CNTN5: variants seen among roughly 807,000 people sequenced by gnomAD.
CNTN5 encodes contactin-5.
Under a neutral mutation model 129.1 loss-of-function variants are expected in CNTN5, and 77 were observed. The observed-to-expected ratio is 0.60, with a 90% confidence interval of 0.50 to 0.72. The LOEUF (loss-of-function observed/expected upper bound fraction) is 0.72, where lower values mean the gene tolerates loss of function less well. CNTN5 is among the 30% of genes least tolerant of loss of function. CNTN5 has a pLI of 0.00. For synonymous variants in CNTN5, 509 were observed against 465.6 expected (o/e 1.09, Z -1.20); for missense variants, 1,478 against 1,328.8 (o/e 1.11, Z -1.75).
chr11:100,167,867 C>G (rs1278940494), intron 13 of CNTN5, among the ~76,000 whole-genome samples: 3 of 151,902 alleles, frequency 2.0e-5, no homozygotes, highest in African/African-American at 2.4e-5. Context: ...AGACAGTTAG[C>G]CAAGCTGTGA....
intron 16 of CNTN5, among the ~76,000 whole-genome samples, chr11:100,240,315 G>A (rs957906311): frequency 9.9e-5 from 15 of 151,616 alleles, no homozygotes; most frequent in Admixed American, 9.8e-4. Flanking sequence ...GAGTTAGATG[G>A]TGGCATCGGG....
intron 2 of CNTN5, among the ~76,000 whole-genome samples, chr11:99,523,649 T>C (rs11220287): frequency 0.11 from 13,154 of 115,180 alleles, 776 homozygotes; most frequent in Non-Finnish European, 0.13. Flanking sequence ...TAGAATAGAA[T>C]AGAACAGAAC....
At chr11:99,871,678 C>CT (rs1018735250) in intron 6 of CNTN5, among the ~76,000 whole-genome samples, 1 of 151,800 alleles carries the variant, frequency 6.6e-6, no homozygotes, top group Non-Finnish European at 1.5e-5. Context: ...GATCCATTGT[C>CT]TTTTTTCTAG....
At chr11:99,669,441 GGTGTGTGTGTGTGTGTGT>G (rs767426378) in intron 3 of CNTN5, among the ~76,000 whole-genome samples, 1 of 105,926 alleles carries the variant, frequency 9.4e-6, no homozygotes, top group African/African-American at 3.4e-5. Context: ...TATTAAATAT[GGTGTGTGTGTGTGTGTGT>G]GTGTGTGTGT....
At chr11:99,274,737 T>A (rs1382194618) in intron 1 of CNTN5, among the ~76,000 whole-genome samples, 2 of 151,484 alleles carry the variant, frequency 1.3e-5, no homozygotes, top group African/African-American at 4.8e-5. Flanking sequence ...TGACACTTCG[T>A]AGCTTTGAGA....
chr11:99,784,807 T>TG (rs1382875291), intron 3 of CNTN5, among the ~76,000 whole-genome samples: 2 of 147,730 alleles, frequency 1.4e-5, no homozygotes, highest in Non-Finnish European at 3.0e-5. Flanking sequence ...TTTTTTTTTT[T>TG]TTTTTTTTTT....
At chr11:99,653,209 T>C (rs1952224662) in intron 3 of CNTN5, among the ~76,000 whole-genome samples, 1 of 152,068 alleles carries the variant, frequency 6.6e-6, no homozygotes, top group Non-Finnish European at 1.5e-5. Context: ...AGTGAACTCA[T>C]AGACAGATTG....
chr11:99,543,314 G>A (rs2135501352), intron 2 of CNTN5, among the ~76,000 whole-genome samples: 1 of 152,124 alleles, frequency 6.6e-6, no homozygotes, highest in African/African-American at 2.4e-5. Context: ...CTTATATTTG[G>A]GTCACTGGCC....
chr11:99,690,120 G>A (rs1953977510), intron 3 of CNTN5, among the ~76,000 whole-genome samples: 1 of 152,090 alleles, frequency 6.6e-6, no homozygotes, highest in African/African-American at 2.4e-5. Flanking sequence ...GTGTAAGGAA[G>A]GGGTCCAATT....
intron 1 of CNTN5, among the ~76,000 whole-genome samples, chr11:99,177,439 G>A (rs1857830358): frequency 6.6e-6 from 1 of 152,142 alleles, no homozygotes; most frequent in African/African-American, 2.4e-5. Context: ...AACGAAATAG[G>A]GCTATTGCTA....
chr11:100,009,018 T>C (rs949277365), intron 9 of CNTN5, among the ~76,000 whole-genome samples: 1 of 152,090 alleles, frequency 6.6e-6, no homozygotes, highest in African/African-American at 2.4e-5. Context: ...TATATAAGCT[T>C]ATATCTTTCC....
intron 2 of CNTN5, among the ~76,000 whole-genome samples, chr11:99,357,709 TTTAAG>T (rs1331054408): frequency 6.6e-5 from 10 of 152,102 alleles, no homozygotes; most frequent in African/African-American, 1.9e-4. Flanking sequence ...TTATAATAAA[TTTAAG>T]TTAACACTGC....
chr11:100,328,282 G>A (rs958589126), intron 21 of CNTN5, among the ~76,000 whole-genome samples: 2 of 152,116 alleles, frequency 1.3e-5, no homozygotes, highest in Admixed American at 6.5e-5. Flanking sequence ...CTCTAGCCTA[G>A]GAGATCCAGG....
At chr11:99,258,276 T>C (rs1003976590) in intron 1 of CNTN5, among the ~76,000 whole-genome samples, 2 of 152,058 alleles carry the variant, frequency 1.3e-5, no homozygotes, top group Non-Finnish European at 2.9e-5. Flanking sequence ...ACCCATTAGT[T>C]ATTTTTCCTG....
intron 2 of CNTN5, among the ~76,000 whole-genome samples, chr11:99,381,160 GA>G (rs35196062): frequency 0.99 from 149,227 of 150,644 alleles, 73,912 homozygotes; most frequent in Middle Eastern, 1. Context: ...TAAGCCTAGG[GA>G]AAAAAAAAAC....
chr11:99,253,617 A>G (rs73534971), intron 1 of CNTN5, among the ~76,000 whole-genome samples: 2,609 of 151,960 alleles, frequency 0.017, 89 homozygotes, highest in African/African-American at 0.06. Context: ...TTATTTTTAG[A>G]TAATTGACTC....
chr11:99,622,883 T>G (rs537900217), intron 3 of CNTN5, among the ~76,000 whole-genome samples: 2 of 151,586 alleles, frequency 1.3e-5, no homozygotes, highest in South Asian at 4.2e-4. Context: ...TTCAAAAAAT[T>G]TTAATGGCTC....
At chr11:99,415,155 AAGG>A (rs1304087963) in intron 2 of CNTN5, among the ~76,000 whole-genome samples, 5 of 152,150 alleles carry the variant, frequency 3.3e-5, no homozygotes, top group Non-Finnish European at 7.4e-5. Context: ...TATAAACAAA[AAGG>A]AGGTTAACAG....
chr11:99,874,014 G>A (rs1948571428), intron 6 of CNTN5, among the ~76,000 whole-genome samples: 1 of 152,038 alleles, frequency 6.6e-6, no homozygotes, highest in African/African-American at 2.4e-5. Flanking sequence ...TAAACAATGG[G>A]TAAACATGGA....
Sources: allele counts gnomAD v4.1 joint callset (sites outside exome capture counted in the v4.1 genomes callset), GRCh38; gene constraint gnomAD v4.1.1; transcripts MANE v1.5; gene names NCBI Gene and HGNC (gene_info 2026-07-23, HGNC 2026-07-21).